SESN1: variants seen among roughly 807,000 people sequenced by gnomAD.
The protein encoded by SESN1 is sestrin 1.
Under a neutral mutation model 59.3 loss-of-function variants are expected in SESN1, and 30 were observed. That is an observed-to-expected ratio of 0.51 (90% CI 0.38 to 0.69). The LOEUF is 0.69. Ranked by LOEUF, SESN1 falls within the 30% of genes least tolerant of loss-of-function variation. SESN1 has a pLI of 0.00. For synonymous variants in SESN1, 197 were observed against 219.9 expected, an observed-to-expected ratio of 0.90 and a Z score of 0.92; for missense variants, 566 against 673.0, an observed-to-expected ratio of 0.84 and a Z score of 1.76.
chr6:109,091,146 G>A (rs915339176), intron 1 of SESN1, among the ~76,000 whole-genome samples: 1 of 152,114 alleles, frequency 6.6e-6, no homozygotes, highest in Non-Finnish European at 1.5e-5. Flanking sequence ...TGCTGTTCAA[G>A]GGTCAATTGT....
chr6:109,002,719 C>T (rs1779652757), intron 1 of SESN1, among the ~76,000 whole-genome samples: 1 of 152,024 alleles, frequency 6.6e-6, no homozygotes, highest in Admixed American at 6.6e-5. Context: ...CCCTGTGCAT[C>T]GTCAGAAAAT....
intron 1 of SESN1, among the ~76,000 whole-genome samples, chr6:109,013,542 G>A (rs1779891447): frequency 6.6e-6 from 1 of 152,168 alleles, no homozygotes. Context: ...ACAAGGAATA[G>A]ATATATTTTA....
chr6:109,010,294 T>C (rs936328620), intron 1 of SESN1, among the ~76,000 whole-genome samples: 5 of 152,214 alleles, frequency 3.3e-5, no homozygotes, highest in Admixed American at 3.3e-4. Flanking sequence ...ACTGACATTG[T>C]TGGGCCCAGA....
intron 1 of SESN1, among the ~76,000 whole-genome samples, chr6:109,007,683 G>C (rs1779761135): frequency 1.3e-5 from 2 of 151,402 alleles, no homozygotes; most frequent in Admixed American, 6.6e-5. Context: ...GAGAGATCTA[G>C]AAGTGTTAGA....
chr6:109,039,220 C>T (rs1394571211), intron 1 of SESN1, among the ~76,000 whole-genome samples: 1 of 152,038 alleles, frequency 6.6e-6, no homozygotes, highest in African/African-American at 2.4e-5. Flanking sequence ...GGAAGGGATA[C>T]TATAGAGGGT....
intron 1 of SESN1, chr6:109,009,398 C>T (rs1461366569): frequency 4.1e-6 from 6 of 1,462,130 alleles, no homozygotes; most frequent in East Asian, 6.0e-5. Context: ...GCTTGCAGCC[C>T]AGCAGCCCCG....
At chr6:109,086,734 C>T (rs1208734052) in intron 1 of SESN1, among the ~76,000 whole-genome samples, 1 of 151,168 alleles carries the variant, frequency 6.6e-6, no homozygotes, top group Non-Finnish European at 1.5e-5. Flanking sequence ...GTACAAAATA[C>T]TATATCCCAT....
chr6:108,986,286 G>GAA lies in SESN1; in HGVS notation c.*1256_*1257dup, dbSNP rs1333751197. On this transcript the variant is annotated 3_prime_UTR_variant, in exon 10 of 10. Coordinates refer to ENST00000436639, the MANE Select transcript of SESN1 (RefSeq NM_014454.3). ...AAATGGTCTCAGATAAGATTCTAAAGAAAGTCCACTCCTCTTTGTATGTTT... is the reference window on the plus strand; with the variant it reads ...AAATGGTCTCAGATAAGATTCTAAAGAAAAAGTCCACTCCTCTTTGTATGTTT... 6.6e-6 allele frequency among the ~76,000 whole-genome samples: 1 copy of GAA among 152,178 alleles called. No homozygotes were observed. The highest frequency in any genetic ancestry group is 1.5e-5 in the Non-Finnish European group (1 of 68,016).
chr6:109,080,721 C>G (rs748009760), intron 1 of SESN1, among the ~76,000 whole-genome samples: 9 of 152,148 alleles, frequency 5.9e-5, no homozygotes, highest in Non-Finnish European at 1.3e-4. Flanking sequence ...TTGGAAAGCA[C>G]AGACTCTTGA....
chr6:109,093,736 C>T (rs1356074437), intron 1 of SESN1, 59 bp downstream of exon 1: 4 of 1,509,726 alleles, frequency 2.6e-6, no homozygotes, highest in Non-Finnish European at 3.6e-6. Flanking sequence ...ACGTGAATAA[C>T]GGCAAGTAAA....
At chr6:109,077,653 G>A (rs1196284840) in intron 1 of SESN1, among the ~76,000 whole-genome samples, 1 of 152,194 alleles carries the variant, frequency 6.6e-6, no homozygotes, top group Non-Finnish European at 1.5e-5. Flanking sequence ...GGGGTCCAAG[G>A]AAAGAGCACT....
chr6:109,045,025 A>G (rs1780403858), intron 1 of SESN1, among the ~76,000 whole-genome samples: 1 of 148,050 alleles, frequency 6.8e-6, no homozygotes. Flanking sequence ...CTCCATTTCA[A>G]AAAAAAAAAA....
At chr6:109,007,570 G>A (rs1039304123) in intron 1 of SESN1, among the ~76,000 whole-genome samples, 1 of 152,236 alleles carries the variant, frequency 6.6e-6, no homozygotes, top group East Asian at 1.9e-4. Flanking sequence ...GTAAAGATAT[G>A]TTATATAAAA....
chr6:109,041,228 T>C (rs1348289192), intron 1 of SESN1, among the ~76,000 whole-genome samples: 4 of 151,596 alleles, frequency 2.6e-5, no homozygotes, highest in Non-Finnish European at 5.9e-5. Flanking sequence ...AGGAGGATTG[T>C]TTGAACACAG....
At chr6:109,085,310 T>G (rs56054577) in intron 1 of SESN1, among the ~76,000 whole-genome samples, 26,861 of 151,804 alleles carry the variant, frequency 0.18, 3,025 homozygotes, top group African/African-American at 0.32. Flanking sequence ...ACAAGGTGAG[T>G]AGATCGAGAC....
Position 108,987,514 on chromosome 6 carries a change from T to A in SESN1, c.*30A>T. The A allele has an allele frequency of 7.8e-7, 1 of 1,279,606 alleles. No homozygotes were observed. Among genetic ancestry groups the A allele is most frequent in the African/African-American group, 1.5e-5 (1 of 68,380 alleles). The allele number at this position is 1,279,606 out of a possible 1,614,324, so 79.3% of individuals were successfully genotyped here. On this transcript the variant is annotated 3_prime_UTR_variant, in exon 10 of 10. Coordinates refer to ENST00000436639, the MANE Select transcript of SESN1 (RefSeq NM_014454.3). The stretch of plus-strand genomic sequence containing the variant: ...CTTGTAGACTATATCTGCTGATCAT[T>A]CCAGAATCATCTTTAATGAAGGAAA...
At position 109,001,307 on chromosome 6, in the gene SESN1, C is replaced by T. The variant is rs748178740; in HGVS notation, c.527G>A (p.Arg176His). ...ACAAACCATTATTCCAATGTAGTGA[C>T]GATAATGTAGGGGTAACGGCCCATC... The part of the protein sequence containing the change: ...QMDGPLPLHY[R>H]HYIGIMAAAR... The change falls in exon 3 of 10, where the codon CGT becomes CAT. Residue 176 changes from arginine to histidine, a missense_variant. By Grantham distance (29) the Arg-to-His change is conservative. Coordinates refer to ENST00000436639, the MANE Select transcript of SESN1 (RefSeq NM_014454.3). The T allele has an allele frequency of 6.8e-6, 11 of 1,613,418 alleles. No individual in the cohort carries two copies. The highest frequency in any genetic ancestry group is 2.2e-5 in the East Asian group (1 of 44,882).
rs531055017 is a variant in SESN1, at chr6:109,062,555, C to T, written c.279+31240G>A. 1.5e-4 allele frequency among the ~76,000 whole-genome samples: 23 copies of T among 152,144 alleles called. No individual in the cohort carries two copies. In the South Asian group the frequency reaches 2.9e-3, roughly 19 times the overall value. On this transcript the variant is annotated intron_variant, in intron 1 of 9. Transcript: ENST00000436639. ...GCCATGTAAAAACATTTATCTTTAA[C>T]GAAAACACTATGAGAAGTCATATAT...
chr6:109,069,310 AAAAC>A (rs905195556), intron 1 of SESN1, among the ~76,000 whole-genome samples: 3 of 152,162 alleles, frequency 2.0e-5, no homozygotes, highest in South Asian at 2.1e-4. Context: ...GGGGTAAAAT[AAAAC>A]AAACAAACAA....
Sources: gnomAD v4.1 joint callset for allele counts (sites outside exome capture counted in the v4.1 genomes callset) on GRCh38, gnomAD v4.1.1 for gene constraint, MANE v1.5 for transcripts, NCBI Gene and HGNC (gene_info 2026-07-23, HGNC 2026-07-21) for gene names.